The following CACNA2D3 variants were observed in gnomAD, a reference collection of about 807,000 sequenced individuals.
The protein encoded by CACNA2D3 is voltage-dependent calcium channel subunit alpha-2/delta-3.
In CACNA2D3, 60 loss-of-function variants were observed where a neutral mutation model predicts 160.6. The observed-to-expected ratio is 0.37, with a 90% CI of 0.30 to 0.46. The LOEUF is 0.46. Ranked by LOEUF, CACNA2D3 falls within the 20% of genes least tolerant of loss-of-function variation. The probability of loss-of-function intolerance (pLI) is 1.00; values close to 1 mark genes in which losing one functional copy is unlikely to be tolerated. For missense variants in CACNA2D3, 1,205 were observed against 1,365.0 expected (o/e 0.88, Z 1.85); for synonymous variants, 558 against 492.9 (o/e 1.13, Z -1.75).
At position 54,888,711 on chromosome 3, in the gene CACNA2D3, TC is replaced by T. The variant is rs1474927082; in HGVS notation, c.2150+662del. ...CTTAGTTCATTCCCTCATTGTATCT[TC>T]CCTTCTATCCTGTTTCTCTCCATTT... On this transcript the variant is annotated intron_variant, in intron 24 of 37. Coordinates refer to ENST00000474759, the MANE Select transcript of CACNA2D3 (RefSeq NM_018398.3). Among the ~76,000 whole-genome samples the T allele has an allele frequency of 1.6e-3, 237 of 147,628 alleles. 1 individual carries two copies. Among genetic ancestry groups the T allele is most frequent in the Middle Eastern group, 6.8e-3 (2 of 294 alleles).
At chr3:54,898,461 G>A (rs754744454) in intron 26 of CACNA2D3, among the ~76,000 whole-genome samples, 1 of 152,112 alleles carries the variant, frequency 6.6e-6, no homozygotes, top group African/African-American at 2.4e-5. Context: ...GACCTAAAGT[G>A]ATCCACCCTC....
chr3:54,964,963 G>A (rs917493963), intron 27 of CACNA2D3, among the ~76,000 whole-genome samples: 1 of 151,908 alleles, frequency 6.6e-6, no homozygotes, highest in Admixed American at 6.6e-5. Context: ...CTTCCTCTGC[G>A]AGCTTTCAGA....
At chr3:55,002,321 C>T (rs1703000537) in intron 31 of CACNA2D3, among the ~76,000 whole-genome samples, 1 of 152,192 alleles carries the variant, frequency 6.6e-6, no homozygotes, top group Non-Finnish European at 1.5e-5. Context: ...GGTGTAGAGA[C>T]AGCATTGGGC....
chr3:54,415,329 C>G (rs943492839), intron 4 of CACNA2D3, among the ~76,000 whole-genome samples: 11 of 152,022 alleles, frequency 7.2e-5, no homozygotes, highest in Non-Finnish European at 1.5e-4. Context: ...TTAAATTAAA[C>G]CTTGAATCTG....
chr3:54,233,087 G>T (rs939023393), intron 2 of CACNA2D3, among the ~76,000 whole-genome samples: 1 of 152,270 alleles, frequency 6.6e-6, no homozygotes. Flanking sequence ...GTTCAGGAAG[G>T]CCCCTCTGAG....
At chr3:54,487,485 T>A (rs1295748272) in intron 4 of CACNA2D3, among the ~76,000 whole-genome samples, 1 of 152,242 alleles carries the variant, frequency 6.6e-6, no homozygotes, top group Non-Finnish European at 1.5e-5. Flanking sequence ...AGACTTCTGC[T>A]CTTGGATCCA....
At chr3:54,617,181 C>A (rs17054227) in intron 9 of CACNA2D3, among the ~76,000 whole-genome samples, 1 of 151,956 alleles carries the variant, frequency 6.6e-6, no homozygotes, top group Non-Finnish European at 1.5e-5. Flanking sequence ...TGTGTTTTGG[C>A]ACACCTTTGC....
At chr3:54,827,111 C>CA (rs1162277239) in intron 14 of CACNA2D3, among the ~76,000 whole-genome samples, 1 of 152,224 alleles carries the variant, frequency 6.6e-6, no homozygotes, top group African/African-American at 2.4e-5. Flanking sequence ...CACCCCAAAA[C>CA]AAGAGTCTGA....
chr3:55,030,080 C>G (rs1304504710), intron 35 of CACNA2D3, among the ~76,000 whole-genome samples: 1 of 152,090 alleles, frequency 6.6e-6, no homozygotes, highest in African/African-American at 2.4e-5. Context: ...CCCAAGTTTT[C>G]CCTTGTTGTC....
chr3:55,012,502 C>T (rs1349142579), intron 34 of CACNA2D3, among the ~76,000 whole-genome samples: 3 of 152,102 alleles, frequency 2.0e-5, no homozygotes, highest in Admixed American at 6.6e-5. Context: ...TGTGACCTGC[C>T]ACCACAGACA....
At chr3:54,141,916 A>G (rs1028873820) in intron 2 of CACNA2D3, among the ~76,000 whole-genome samples, 17 of 152,238 alleles carry the variant, frequency 1.1e-4, no homozygotes, top group Non-Finnish European at 2.1e-4. Flanking sequence ...AACAAGCAAA[A>G]TAAGATTGCA....
At chr3:54,596,177 A>G (rs1263627147) in intron 9 of CACNA2D3, among the ~76,000 whole-genome samples, 2 of 152,028 alleles carry the variant, frequency 1.3e-5, no homozygotes, top group African/African-American at 4.8e-5. Context: ...CTCCAAGTCC[A>G]TTGATTCTCC....
At chr3:54,277,716 G>C (rs1702778672) in intron 2 of CACNA2D3, among the ~76,000 whole-genome samples, 1 of 152,092 alleles carries the variant, frequency 6.6e-6, no homozygotes, top group African/African-American at 2.4e-5. Context: ...AAATTACTTT[G>C]AGCAGTGTGG....
At chr3:54,571,612 AGTGTGTGT>A (rs58652360) in intron 8 of CACNA2D3, among the ~76,000 whole-genome samples, 26,164 of 136,162 alleles carry the variant, frequency 0.19, 2,462 homozygotes, top group South Asian at 0.28. Context: ...CACTTAACCA[AGTGTGTGT>A]GTGTGTGTGT....
At chr3:54,281,609 A>G (rs1367776663) in intron 2 of CACNA2D3, among the ~76,000 whole-genome samples, 1 of 152,238 alleles carries the variant, frequency 6.6e-6, no homozygotes, top group Non-Finnish European at 1.5e-5. Context: ...GGAACACCTC[A>G]GAGAGCCACA....
intron 4 of CACNA2D3, among the ~76,000 whole-genome samples, chr3:54,401,675 G>T (rs1008242189): frequency 6.6e-6 from 1 of 152,120 alleles, no homozygotes; most frequent in African/African-American, 2.4e-5. Flanking sequence ...GAATAAAGGA[G>T]AAACAAAAGT....
In CACNA2D3 at chr3:54,846,501, T is replaced by A. The variant is rs191810425; in HGVS notation, c.1626+34T>A. 10 of 1,378,126 alleles carry A rather than the reference T, an allele frequency of 7.3e-6. No homozygotes were observed. The African/African-American group carries it at 1.0e-4, about 14-fold the overall frequency. 85.4% of individuals were successfully genotyped at this position (1,378,126 alleles called of 1,614,324 possible). ...AATTATGTACTTCTGCATTTCTGCT[T>A]TTATGATTTTAAAAGATTTCCTTCA... On this transcript the variant is annotated intron_variant, in intron 17 of 37. Coordinates refer to ENST00000474759, the MANE Select transcript of CACNA2D3 (RefSeq NM_018398.3).
chr3:54,432,697 G>T (rs1469828566), intron 4 of CACNA2D3, among the ~76,000 whole-genome samples: 2 of 152,100 alleles, frequency 1.3e-5, no homozygotes, highest in Non-Finnish European at 2.9e-5. Context: ...TATTGCTGCT[G>T]CTCTGTATAT....
At chr3:54,316,879 T>A (rs1192118517) in intron 2 of CACNA2D3, among the ~76,000 whole-genome samples, 3 of 152,220 alleles carry the variant, frequency 2.0e-5, no homozygotes, top group Non-Finnish European at 4.4e-5. Context: ...GGCCAGAATA[T>A]TGGGGCCTGG....
Sources: gnomAD v4.1 joint callset for allele counts (sites outside exome capture counted in the v4.1 genomes callset) on GRCh38, gnomAD v4.1.1 for gene constraint, MANE v1.5 for transcripts, NCBI Gene and HGNC (gene_info 2026-07-23, HGNC 2026-07-21) for gene names.